The following ANKDD1A variants were observed in gnomAD, a reference collection of about 807,000 sequenced individuals.
ANKDD1A encodes ankyrin repeat and death domain-containing protein 1A.
A neutral mutation model predicts 63.5 loss-of-function variants in ANKDD1A; 59 were observed. The ratio of observed to expected loss-of-function variants is 0.93; its 90% confidence interval spans 0.75 to 1.15. ANKDD1A has a LOEUF of 1.15. ANKDD1A is among the 50% of genes most tolerant of loss of function. ANKDD1A has a pLI of 0.00. For missense variants in ANKDD1A, 632 were observed against 656.4 expected (o/e 0.96, Z 0.41); for synonymous variants, 266 against 263.9 (o/e 1.01, Z -0.08).
chr15:64,915,735 C>T (rs1333353889), intron 1 of ANKDD1A, 62 bp from the exon 2 acceptor site: 2 of 1,447,154 alleles, frequency 1.4e-6, no homozygotes, highest in African/African-American at 1.4e-5. Flanking sequence ...GGTTGTTTAC[C>T]TCTCCTGTCT....
At chr15:64,939,442 C>G (rs894886112) in intron 9 of ANKDD1A, among the ~76,000 whole-genome samples, 2 of 152,156 alleles carry the variant, frequency 1.3e-5, no homozygotes, top group African/African-American at 4.8e-5. Context: ...CAAAGCGAGA[C>G]TGTCTCTACA....
intron 4 of ANKDD1A, 151 bp from the exon 5 acceptor site, chr15:64,925,915 G>A (rs2085043015): frequency 1.5e-6 from 1 of 664,516 alleles, no homozygotes; most frequent in South Asian, 1.9e-5. Flanking sequence ...AGCAGAGTGG[G>A]TTATCCCTCG....
At chr15:64,942,356 G>T in intron 9 of ANKDD1A, 111 bp from the exon 10 acceptor site, 1 of 739,660 alleles carries the variant, frequency 1.4e-6, no homozygotes, top group Non-Finnish European at 2.1e-6. Context: ...AAGCTAAAAG[G>T]GCCAAACCCA....
chr15:64,926,209 C>CG (rs2085045542), intron 5 of ANKDD1A, 39 bp downstream of exon 5: 1 of 1,591,332 alleles, frequency 6.3e-7, no homozygotes. Flanking sequence ...TCCCATTGGG[C>CG]GGGGGGCTCC....
At chr15:64,928,944 C>T (rs932916308) in intron 6 of ANKDD1A, among the ~76,000 whole-genome samples, 4 of 152,258 alleles carry the variant, frequency 2.6e-5, no homozygotes, top group African/African-American at 4.8e-5. Flanking sequence ...AGCCCTGCCA[C>T]GGTCTCTACA....
intron 14 of ANKDD1A, among the ~76,000 whole-genome samples, chr15:64,956,133 G>A (rs1254534241): frequency 2.6e-5 from 4 of 151,818 alleles, no homozygotes; most frequent in Admixed American, 6.6e-5. Context: ...ACATTAAACC[G>A]AAGGAAATTG....
chr15:64,955,630 C>T (rs560590429), intron 14 of ANKDD1A, among the ~76,000 whole-genome samples: 1 of 152,272 alleles, frequency 6.6e-6, no homozygotes, highest in East Asian at 1.9e-4. Flanking sequence ...GTTTCTGTCT[C>T]ATTTGAGCTC....
chr15:64,939,622 A>G (rs35441723), intron 9 of ANKDD1A, among the ~76,000 whole-genome samples: 1,600 of 152,302 alleles, frequency 0.011, 10 homozygotes, highest in Non-Finnish European at 0.016. Flanking sequence ...TCTAAAAAAT[A>G]AAAAGCAAAA....
chr15:64,911,906 C>T lies in ANKDD1A; in HGVS notation c.-25C>T, dbSNP rs1183464261. On this transcript the variant is annotated 5_prime_UTR_variant, in exon 1 of 15. Coordinates refer to ENST00000319580, the MANE Select transcript of ANKDD1A (RefSeq NM_182703.6). ...CGCGCCTCGCGCCCGGGCACCAGCG[C>T]GCGCAGGGGCTGCGGAGCGGCAGGA... 1 of 1,249,136 alleles carries T rather than the reference C, an allele frequency of 8.0e-7. No homozygotes were observed. The allele number at this position is 1,249,136 out of a possible 1,614,324, so 77.4% of individuals were successfully genotyped here.
In ANKDD1A at chr15:64,958,597, C is replaced by A. The variant is rs1024747698; in HGVS notation, c.*1409C>A. The A allele has an allele frequency of 1.3e-5, 2 of 152,090 alleles. No individual in the cohort carries two copies. Among genetic ancestry groups the A allele is most frequent in the Non-Finnish European group, 2.9e-5 (2 of 68,022 alleles). The allele number at this position is 152,090 out of a possible 1,614,324, so 9.4% of individuals were successfully genotyped here. ...ATTTTGTACCATATGGGACTGAAAT[C>A]ATTTATCTGGATGAATTTTATAAAA... is the stretch of plus-strand genomic sequence containing the variant. On this transcript the variant is annotated 3_prime_UTR_variant, in exon 15 of 15. Transcript: ENST00000319580.
In ANKDD1A at chr15:64,914,768, C is replaced by T. The variant is rs188987242; in HGVS notation, c.35-1029C>T. Reference sequence around the variant, plus strand: ...TCAGGATGATGGCAGCATGGGGCTCCGGTGGGGATCATCTGGACCTGTGTC... The same window carrying T: ...TCAGGATGATGGCAGCATGGGGCTCTGGTGGGGATCATCTGGACCTGTGTC... On this transcript the variant is annotated intron_variant, in intron 1 of 14. Transcript: ENST00000319580. Among the ~76,000 whole-genome samples, 654 of 152,200 alleles carry T rather than the reference C, an allele frequency of 4.3e-3. 3 individuals are homozygous for T. Among genetic ancestry groups the T allele is most frequent in the Non-Finnish European group, 7.0e-3 (476 of 68,028 alleles).
At chr15:64,914,675 G>A (rs554216452) in intron 1 of ANKDD1A, among the ~76,000 whole-genome samples, 1 of 152,336 alleles carries the variant, frequency 6.6e-6, no homozygotes, top group South Asian at 2.1e-4. Context: ...AGGGTCAAGT[G>A]TGGCCAGGGC....
chr15:64,945,736 G>A (rs941027762), intron 12 of ANKDD1A, among the ~76,000 whole-genome samples: 4 of 149,790 alleles, frequency 2.7e-5, no homozygotes, highest in African/African-American at 9.8e-5. Context: ...GGGTTCAAGC[G>A]ATTCTCCTGT....
intron 14 of ANKDD1A, among the ~76,000 whole-genome samples, chr15:64,952,603 T>A (rs1241459078): frequency 6.8e-6 from 1 of 147,618 alleles, no homozygotes; most frequent in Non-Finnish European, 1.5e-5. Context: ...TCCTTCGTCT[T>A]CTTCTTCCTC....
chr15:64,950,982 C>G, intron 14 of ANKDD1A: 1 of 1,272,286 alleles, frequency 7.9e-7, no homozygotes, highest in Non-Finnish European at 1.0e-6. Context: ...CAAACGCAGC[C>G]CCGAGTGCCC....
At chr15:64,938,766 A>G (rs1227681232) in intron 9 of ANKDD1A, among the ~76,000 whole-genome samples, 1 of 151,906 alleles carries the variant, frequency 6.6e-6, no homozygotes, top group Non-Finnish European at 1.5e-5. Context: ...AGCCTGGCCA[A>G]CATGGTGAAA....
chr15:64,920,072 C>T (rs536644426), intron 3 of ANKDD1A: 4 of 152,298 alleles, frequency 2.6e-5, no homozygotes, highest in Admixed American at 6.5e-5. Context: ...TGGTGCCAAC[C>T]GCTAAGACCC....
chr15:64,925,474 C>T (rs2085039373), intron 4 of ANKDD1A, among the ~76,000 whole-genome samples: 1 of 152,120 alleles, frequency 6.6e-6, no homozygotes, highest in Non-Finnish European at 1.5e-5. Flanking sequence ...CCTGTCCACC[C>T]CCAACCCAGG....
At chr15:64,923,962 A>G (rs80335165) in intron 4 of ANKDD1A, among the ~76,000 whole-genome samples, 3,441 of 152,312 alleles carry the variant, frequency 0.023, 143 homozygotes, top group African/African-American at 0.078. Context: ...TCCCCTCTAT[A>G]TTTGTTTTCT....
Sources: gnomAD v4.1 joint callset for allele counts (sites outside exome capture counted in the v4.1 genomes callset) on GRCh38, gnomAD v4.1.1 for gene constraint, MANE v1.5 for transcripts, NCBI Gene and HGNC (gene_info 2026-07-23, HGNC 2026-07-21) for gene names.